Variants in TRIM2 observed in about 807,000 individuals in gnomAD.
The protein encoded by TRIM2 is tripartite motif-containing protein 2.
TRIM2 carries 20 observed loss-of-function variants against 75.2 expected under a neutral mutation model. That is an observed-to-expected ratio of 0.27 (90% confidence interval 0.19 to 0.39). The LOEUF is 0.39. TRIM2 is among the 10% of genes least tolerant of loss of function. The probability of loss-of-function intolerance (pLI) is 1.00; values close to 1 mark genes in which losing one functional copy is unlikely to be tolerated. For missense variants in TRIM2, 660 were observed against 990.8 expected (o/e 0.67, Z 4.48); for synonymous variants, 373 against 388.3 (o/e 0.96, Z 0.46).
intron 1 of TRIM2, among the ~76,000 whole-genome samples, chr4:153,256,301 TAA>T (rs1411879679): frequency 6.6e-6 from 1 of 152,200 alleles, no homozygotes; most frequent in African/African-American, 2.4e-5. Context: ...CCACCAAAGG[TAA>T]TCACCACTGC....
intron 6 of TRIM2, among the ~76,000 whole-genome samples, chr4:153,296,530 A>C (rs1418227043): frequency 1.3e-5 from 2 of 151,888 alleles, no homozygotes. Flanking sequence ...GAGGGAGGGG[A>C]TGTGTGCATT....
At chr4:153,238,905 C>T (rs2149832056) in intron 1 of TRIM2, among the ~76,000 whole-genome samples, 1 of 152,096 alleles carries the variant, frequency 6.6e-6, no homozygotes, top group East Asian at 1.9e-4. Flanking sequence ...ACTGAATGTT[C>T]ATGAATCCCC....
intron 1 of TRIM2, among the ~76,000 whole-genome samples, chr4:153,254,932 C>T (rs1167361242): frequency 6.6e-6 from 1 of 152,150 alleles, no homozygotes; most frequent in Non-Finnish European, 1.5e-5. Flanking sequence ...TTACCCCAGG[C>T]TTCAGCTATA....
At chr4:153,168,708 C>G (rs1198137448) in intron 1 of TRIM2, among the ~76,000 whole-genome samples, 1 of 150,020 alleles carries the variant, frequency 6.7e-6, no homozygotes, top group Non-Finnish European at 1.5e-5. Context: ...CAAAGAAAAT[C>G]AATTGAGTAG....
At chr4:153,188,441 C>A (rs566753655) in intron 1 of TRIM2, among the ~76,000 whole-genome samples, 9 of 152,192 alleles carry the variant, frequency 5.9e-5, no homozygotes, top group Non-Finnish European at 1.3e-4. Flanking sequence ...GCCTAGGTAA[C>A]AAAGTGAGAC....
chr4:153,153,648 C>T (rs1024638649), intron 1 of TRIM2, among the ~76,000 whole-genome samples: 4 of 152,246 alleles, frequency 2.6e-5, no homozygotes, highest in Non-Finnish European at 5.9e-5. Context: ...TTACGGTTGG[C>T]TCGAAACGAG....
At chr4:153,236,618 G>A (rs1013496985) in intron 1 of TRIM2, among the ~76,000 whole-genome samples, 1 of 151,782 alleles carries the variant, frequency 6.6e-6, no homozygotes, top group African/African-American at 2.4e-5. Context: ...TTACATACTT[G>A]TTTTTTTATG....
At position 153,295,165 on chromosome 4, in the gene TRIM2, A is replaced by G; in HGVS notation, c.787-148A>G. ...ATGCAGTTTAGGACTTTGCGTTAGC[A>G]CTGGGTTCCCTGGGTTGACAAACAC... is the stretch of plus-strand genomic sequence containing the variant. On this transcript the variant is annotated intron_variant, in intron 5 of 11. Coordinates refer to ENST00000338700, the MANE Select transcript of TRIM2 (RefSeq NM_015271.5). This position sits in a 1 kb window ranked among gnomAD's most constrained non-coding sequence, Gnocchi z 7.2. 8.9e-7 allele frequency: 1 copy of G among 1,122,768 alleles called. No homozygotes were observed. Among genetic ancestry groups the G allele is most frequent in the Non-Finnish European group, 1.2e-6 (1 of 818,690 alleles). The allele number at this position is 1,122,768 out of a possible 1,614,324, so 69.6% of individuals were successfully genotyped here.
intron 1 of TRIM2, among the ~76,000 whole-genome samples, chr4:153,156,209 C>T (rs749362591): frequency 3.9e-5 from 6 of 152,178 alleles, no homozygotes; most frequent in African/African-American, 7.2e-5. Flanking sequence ...GGAGCTCTCC[C>T]GGGGCCTCTT....
chr4:153,265,377 C>T (rs1326967746), intron 1 of TRIM2, among the ~76,000 whole-genome samples: 2 of 150,828 alleles, frequency 1.3e-5, no homozygotes, highest in African/African-American at 4.9e-5. Context: ...TGGAGTCTCA[C>T]TCTGTTGCCC....
intron 1 of TRIM2, among the ~76,000 whole-genome samples, chr4:153,239,281 G>T (rs1471187884): frequency 1.3e-5 from 2 of 151,900 alleles, no homozygotes; most frequent in Admixed American, 1.3e-4. Flanking sequence ...GAACGCGGGA[G>T]GCAGAGCTTG....
At chr4:153,225,946 C>T (rs1396282410) in intron 1 of TRIM2, among the ~76,000 whole-genome samples, 1 of 152,224 alleles carries the variant, frequency 6.6e-6, no homozygotes, top group Non-Finnish European at 1.5e-5. Context: ...TCATGGTTCA[C>T]AGCATCTTCC....
chr4:153,153,486 G>T (rs1728921969), intron 1 of TRIM2, among the ~76,000 whole-genome samples: 1 of 152,332 alleles, frequency 6.6e-6, no homozygotes, highest in Non-Finnish European at 1.5e-5. Flanking sequence ...GGGGCGTTGA[G>T]TGCAGGGTTG....
At chr4:153,221,788 GAAGGAAA>G (rs1740148899) in intron 1 of TRIM2, among the ~76,000 whole-genome samples, 5 of 104,434 alleles carry the variant, frequency 4.8e-5, no homozygotes, top group East Asian at 3.3e-4. Context: ...AGAAGAAAAG[GAAGGAAA>G]GAGCGAGGAA....
At chr4:153,321,508 A>C (rs910007813) in intron 8 of TRIM2, among the ~76,000 whole-genome samples, 2 of 152,252 alleles carry the variant, frequency 1.3e-5, no homozygotes, top group Non-Finnish European at 2.9e-5. Context: ...GATTGATAGA[A>C]ATCAAATGCT....
In TRIM2 at chr4:153,206,702, G is replaced by T. The variant is rs148029081; in HGVS notation, c.30+2142G>T. ...TTTGCTCCCTGGAAACAGGGTCAGGGGGTGTGTATGGGTGGAGTAGGGAGA... is the reference window on the plus strand; with the variant it reads ...TTTGCTCCCTGGAAACAGGGTCAGGTGGTGTGTATGGGTGGAGTAGGGAGA... On this transcript the variant is annotated intron_variant, in intron 1 of 11. Transcript: ENST00000338700. Among the ~76,000 whole-genome samples, 10 of 152,214 alleles carry T rather than the reference G, an allele frequency of 6.6e-5. No individual in the cohort carries two copies. The East Asian group carries it at 1.9e-3, about 29-fold the overall frequency.
rs1008790180 is a variant in TRIM2, at chr4:153,337,906, G to A, written c.*2940G>A. The A allele has an allele frequency of 1.0e-6, 1 of 985,690 alleles. No homozygotes were observed. The highest frequency in any genetic ancestry group is 1.2e-6 in the Non-Finnish European group (1 of 829,884). 61.1% of individuals were successfully genotyped at this position (985,690 alleles called of 1,614,324 possible). ...ATTTCCTCCCAGTACAGACCCCCCA[G>A]CCCCCCTTGCTGGACATGGGGAGGC... On this transcript the variant is annotated 3_prime_UTR_variant, in exon 12 of 12. Coordinates refer to ENST00000338700, the MANE Select transcript of TRIM2 (RefSeq NM_015271.5).
chr4:153,272,339 G>A (rs1435624613), intron 2 of TRIM2, among the ~76,000 whole-genome samples: 5 of 151,962 alleles, frequency 3.3e-5, no homozygotes, highest in Admixed American at 2.6e-4. Context: ...TAGTAGAGAC[G>A]AGGTTTCACT....
intron 3 of TRIM2, among the ~76,000 whole-genome samples, chr4:153,292,425 C>A (rs4696455): frequency 0.33 from 49,950 of 151,972 alleles, 12,343 homozygotes; most frequent in African/African-American, 0.7. Context: ...AATTTTTATC[C>A]GTTCTAATTT....
Sources: allele counts gnomAD v4.1 joint callset (sites outside exome capture counted in the v4.1 genomes callset), GRCh38; gene constraint gnomAD v4.1.1; non-coding constraint Gnocchi (gnomAD v3.1); transcripts MANE v1.5; gene names NCBI Gene and HGNC (gene_info 2026-07-23, HGNC 2026-07-21).